Variants in PDE8B observed in about 807,000 individuals in gnomAD.
PDE8B encodes high affinity cAMP-specific and IBMX-insensitive 3',5'-cyclic phosphodiesterase 8B.
In PDE8B, 26 loss-of-function variants were observed where a neutral mutation model predicts 101.3. That is an observed-to-expected ratio of 0.26 (90% CI 0.19 to 0.36). The LOEUF (loss-of-function observed/expected upper bound fraction) is 0.36. PDE8B is among the 10% of genes least tolerant of loss of function. PDE8B has a pLI of 1.00. For synonymous variants in PDE8B, 424 were observed against 429.3 expected, an observed-to-expected ratio of 0.99 and a Z score of 0.15; for missense variants, 810 against 1,163.1, an observed-to-expected ratio of 0.70 and a Z score of 4.42.
At chr5:77,425,539 T>A (rs1033851630) in intron 20 of PDE8B, among the ~76,000 whole-genome samples, 19 of 151,846 alleles carry the variant, frequency 1.3e-4, no homozygotes, top group African/African-American at 4.1e-4. Context: ...GGCAACAGAG[T>A]GAGACACTGT....
At chr5:77,155,206 G>A in the PDE8B span, among the ~76,000 whole-genome samples, 1 of 152,132 alleles carries the variant, frequency 6.6e-6, no homozygotes, top group Non-Finnish European at 1.5e-5. Context: ...ATGAGTATGT[G>A]TGGAGAGAGA....
intron 10 of PDE8B, among the ~76,000 whole-genome samples, chr5:77,374,055 G>A (rs1388664583): frequency 6.6e-6 from 1 of 152,100 alleles, no homozygotes; most frequent in Non-Finnish European, 1.5e-5. Flanking sequence ...TCTCCATGTT[G>A]GTCAGTCTGG....
chr5:77,412,293 A>C, intron 16 of PDE8B, 58 bp downstream of exon 16: 7 of 1,579,072 alleles, frequency 4.4e-6, no homozygotes, highest in African/African-American at 1.3e-5. Flanking sequence ...TCAAACTCTC[A>C]CATTTGGAAA....
chr5:77,273,572 A>G lies in PDE8B; in HGVS notation c.340-38422A>G, dbSNP rs565581106. ...TGAGATGCTGTAAGAGAGGCAGGGT[A>G]GTACACTTACTGAGGAAGAATAACT... On this transcript the variant is annotated intron_variant, in intron 1 of 21. Transcript: ENST00000264917. Among the ~76,000 whole-genome samples the G allele has an allele frequency of 3.3e-5, 5 of 152,306 alleles. No homozygotes were observed. The South Asian group carries it at 8.3e-4, about 25-fold the overall frequency.
At chr5:77,413,815 A>G (rs184019171) in intron 17 of PDE8B, among the ~76,000 whole-genome samples, 17 of 152,310 alleles carry the variant, frequency 1.1e-4, no homozygotes, top group African/African-American at 4.1e-4. Context: ...TAATTCTGAA[A>G]GAGTTCCATA....
At chr5:77,221,152 C>G (rs1196814735) in intron 1 of PDE8B, among the ~76,000 whole-genome samples, 1 of 152,162 alleles carries the variant, frequency 6.6e-6, no homozygotes, top group Non-Finnish European at 1.5e-5. Context: ...ATCAATCACA[C>G]TTTTCTAATT....
the PDE8B span, among the ~76,000 whole-genome samples, chr5:77,202,681 G>A: frequency 1.3e-5 from 2 of 151,074 alleles, no homozygotes; most frequent in African/African-American, 4.9e-5. Context: ...TGCCCAGGCT[G>A]GAGTGCAGTG....
chr5:77,175,120 C>T, the PDE8B span, among the ~76,000 whole-genome samples: 1 of 152,140 alleles, frequency 6.6e-6, no homozygotes, highest in Non-Finnish European at 1.5e-5. Flanking sequence ...GTCAACCTTG[C>T]ATTCAAAATT....
At chr5:77,181,298 G>A in the PDE8B span, among the ~76,000 whole-genome samples, 1 of 152,182 alleles carries the variant, frequency 6.6e-6, no homozygotes, top group South Asian at 2.1e-4. Context: ...CGGGAGAACA[G>A]TCTGTGGTAG....
chr5:77,405,913 T>G (rs1479760129), intron 12 of PDE8B, among the ~76,000 whole-genome samples: 1 of 152,106 alleles, frequency 6.6e-6, no homozygotes, highest in Middle Eastern at 3.2e-3. Flanking sequence ...ATGAGGCTGG[T>G]AACTTAAGAG....
intron 2 of PDE8B, among the ~76,000 whole-genome samples, chr5:77,317,801 A>G (rs149057358): frequency 3.9e-5 from 6 of 152,196 alleles, no homozygotes; most frequent in South Asian, 2.1e-4. Flanking sequence ...GGACATGGAA[A>G]TGGATCCCCA....
intron 7 of PDE8B, among the ~76,000 whole-genome samples, chr5:77,348,628 G>GT (rs1223845587): frequency 6.6e-6 from 1 of 152,202 alleles, no homozygotes; most frequent in Non-Finnish European, 1.5e-5. Flanking sequence ...GAGAAATCCA[G>GT]TTGTGGAGAT....
chr5:77,147,669 G>C, the PDE8B span: 2 of 152,008 alleles, frequency 1.3e-5, no homozygotes, highest in African/African-American at 4.8e-5. Flanking sequence ...TCTCTCCCTT[G>C]CTGTCTTTGA....
intron 10 of PDE8B, among the ~76,000 whole-genome samples, chr5:77,387,661 G>T (rs560776142): frequency 4.9e-4 from 74 of 152,320 alleles, no homozygotes; most frequent in Middle Eastern, 3.4e-3. Context: ...ATAATATCCT[G>T]AAGAGTGTTT....
intron 10 of PDE8B, among the ~76,000 whole-genome samples, chr5:77,389,842 C>A (rs1180465988): frequency 6.6e-6 from 1 of 152,176 alleles, no homozygotes; most frequent in Non-Finnish European, 1.5e-5. Context: ...GGAGAATCTA[C>A]TTCTGCTGAT....
intron 10 of PDE8B, among the ~76,000 whole-genome samples, chr5:77,372,923 G>A (rs1785316685): frequency 6.6e-6 from 1 of 152,072 alleles, no homozygotes; most frequent in Non-Finnish European, 1.5e-5. Context: ...AGCTACTCAA[G>A]AGGCTGAGGC....
At chr5:77,098,194 A>T in the PDE8B span, among the ~76,000 whole-genome samples, 1 of 151,982 alleles carries the variant, frequency 6.6e-6, no homozygotes, top group Non-Finnish European at 1.5e-5. Flanking sequence ...TCTTCATTTT[A>T]TACTGATGAT....
At chr5:77,166,077 T>C in the PDE8B span, among the ~76,000 whole-genome samples, 3 of 151,700 alleles carry the variant, frequency 2.0e-5, no homozygotes, top group African/African-American at 7.3e-5. Flanking sequence ...GGAAGCCAGC[T>C]GTGGCATTTG....
chr5:77,121,656 C>T, the PDE8B span, among the ~76,000 whole-genome samples: 9 of 151,978 alleles, frequency 5.9e-5, no homozygotes, highest in South Asian at 2.1e-4. Context: ...TACAGGCGTG[C>T]GCCACCACGC....
Sources: allele counts gnomAD v4.1 joint callset (sites outside exome capture counted in the v4.1 genomes callset), GRCh38; gene constraint gnomAD v4.1.1; transcripts MANE v1.5; gene names NCBI Gene and HGNC (gene_info 2026-07-23, HGNC 2026-07-21).